ANXA11: variants seen among roughly 807,000 people sequenced by gnomAD.
ANXA11 encodes annexin A11, also known as 56 kDa autoantigen.
Under a neutral mutation model 64.7 loss-of-function variants are expected in ANXA11, and 57 were observed. The observed-to-expected ratio is 0.88, with a 90% CI of 0.71 to 1.10. The LOEUF (loss-of-function observed/expected upper bound fraction) is 1.10, where lower values mean the gene tolerates loss of function less well. Among genes scored for constraint, ANXA11 ranks in the 50% least tolerant of loss-of-function variants. The probability of loss-of-function intolerance (pLI) is 0.00; values close to 1 mark genes in which losing one functional copy is unlikely to be tolerated. For missense variants in ANXA11, 675 were observed against 670.7 expected, an observed-to-expected ratio of 1.01 and a Z score of -0.07; for synonymous variants, 260 against 265.2, an observed-to-expected ratio of 0.98 and a Z score of 0.19.
At chr10:80,157,072 C>G (rs1425285541) in intron 15 of ANXA11, 1 of 982,300 alleles carries the variant, frequency 1.0e-6, no homozygotes, top group Non-Finnish European at 1.2e-6. Context: ...CACTGCCTCA[C>G]TCAATACTCA....
intron 12 of ANXA11, among the ~76,000 whole-genome samples, chr10:80,159,592 A>G (rs1240906989): frequency 6.6e-6 from 1 of 152,164 alleles, no homozygotes; most frequent in East Asian, 1.9e-4. Context: ...GAGCAGACTA[A>G]CAGAGGACTC....
chr10:80,194,912 T>C (rs954415185), intron 1 of ANXA11, among the ~76,000 whole-genome samples: 7 of 152,348 alleles, frequency 4.6e-5, no homozygotes, highest in Admixed American at 4.6e-4. Flanking sequence ...GCTGCCGGGC[T>C]GTCCTTGCAG....
intron 1 of ANXA11, among the ~76,000 whole-genome samples, chr10:80,184,344 A>G (rs1368682982): frequency 6.6e-6 from 1 of 152,204 alleles, no homozygotes; most frequent in East Asian, 1.9e-4. Context: ...CCAACTTATG[A>G]TGGTTCGACT....
At chr10:80,195,035 C>A (rs531388339) in intron 1 of ANXA11, among the ~76,000 whole-genome samples, 55 of 152,286 alleles carry the variant, frequency 3.6e-4, no homozygotes, top group African/African-American at 1.3e-3. Flanking sequence ...TCTCTCACCA[C>A]AGGCTGAGGA....
At chr10:80,182,221 G>C (rs1338669726) in intron 1 of ANXA11, among the ~76,000 whole-genome samples, 2 of 149,568 alleles carry the variant, frequency 1.3e-5, no homozygotes, top group Non-Finnish European at 3.0e-5. Context: ...GTGCAAGTGT[G>C]GGGGCAGGGG....
chr10:80,156,022 TG>T (rs1216338243), intron 15 of ANXA11, 110 bp from the exon 16 acceptor site: 2 of 1,184,196 alleles, frequency 1.7e-6, no homozygotes, highest in Non-Finnish European at 2.5e-6. Flanking sequence ...AGCCCCACCC[TG>T]GGGAATTTTC....
Position 80,169,248 on chromosome 10 carries a change from G to A in ANXA11, c.282C>T (p.Pro94=), listed in dbSNP as rs775051106. 1.2e-6 allele frequency: 2 copies of A among 1,611,784 alleles called. No individual in the cohort carries two copies. The highest frequency in any genetic ancestry group is 8.5e-7 in the Non-Finnish European group (1 of 1,179,472). Residue 94 remains proline (P), a synonymous_variant, in exon 5 of 16, where the codon CCC becomes CCT. Coordinates refer to ENST00000422982, the MANE Select transcript of ANXA11 (RefSeq NM_145868.2). ...AGGGAGGAACAGGCTGCTGGGCAGA[G>A]GGGGGCTGCCCAAAGCCGCCAGGGG... The part of the protein sequence containing the change: ...PVPPGGFGQP[P]SAQQPVPPYG...
intron 1 of ANXA11, among the ~76,000 whole-genome samples, chr10:80,182,732 A>T (rs1474880566): frequency 6.6e-6 from 1 of 152,158 alleles, no homozygotes; most frequent in Non-Finnish European, 1.5e-5. Context: ...TTTTTTTAAA[A>T]GAGGAAAGAA....
chr10:80,157,079 C>T, intron 15 of ANXA11: 1 of 980,398 alleles, frequency 1.0e-6, no homozygotes, highest in Non-Finnish European at 1.2e-6. Context: ...TCACTCAATA[C>T]TCACAACATT....
At chr10:80,162,662 A>T (rs998853837) in intron 11 of ANXA11, among the ~76,000 whole-genome samples, 3 of 152,246 alleles carry the variant, frequency 2.0e-5, no homozygotes, top group African/African-American at 7.2e-5. Flanking sequence ...GCATTCCTTG[A>T]GGTCTCATTC....
At chr10:80,157,614 C>A in intron 15 of ANXA11, 27 bp downstream of exon 15, 3 of 1,602,264 alleles carry the variant, frequency 1.9e-6, no homozygotes, top group Non-Finnish European at 2.6e-6. Flanking sequence ...CAAAAGGGAG[C>A]CCAGTTGGCC....
At chr10:80,201,074 A>G (rs569177009) in intron 1 of ANXA11, among the ~76,000 whole-genome samples, 1 of 152,140 alleles carries the variant, frequency 6.6e-6, no homozygotes, top group South Asian at 2.1e-4. Context: ...TCGCCTTCAA[A>G]GCCAACATTT....
chr10:80,173,392 A>G (rs541140216), intron 2 of ANXA11, among the ~76,000 whole-genome samples: 113 of 152,328 alleles, frequency 7.4e-4, no homozygotes, highest in African/African-American at 2.6e-3. Context: ...AAGGTATGGA[A>G]TCATCGTTCC....
At chr10:80,202,372 A>G (rs1840470300) in intron 1 of ANXA11, among the ~76,000 whole-genome samples, 1 of 152,132 alleles carries the variant, frequency 6.6e-6, no homozygotes, top group Admixed American at 6.5e-5. Flanking sequence ...GATCCTCCCA[A>G]ATAGCAAACA....
chr10:80,151,881 G>C lies in ANXA11; in HGVS notation c.*3972C>G, dbSNP rs1462922030. The C allele has an allele frequency of 6.6e-6, 1 of 152,198 alleles. No homozygotes were observed. Among genetic ancestry groups the C allele is most frequent in the Non-Finnish European group, 1.5e-5 (1 of 68,032 alleles). The allele number at this position is 152,198 out of a possible 1,614,324, so 9.4% of individuals were successfully genotyped here. A position where few individuals can be genotyped will look rare whatever the true frequency, so the allele number is the denominator to read the frequency against. Reference sequence around the variant, plus strand: ...CCCCACACCTGCTCAAAATGCATGAGGGTCTGACCGCAGGAACTGCTCTTT... The same window carrying C: ...CCCCACACCTGCTCAAAATGCATGACGGTCTGACCGCAGGAACTGCTCTTT... On this transcript the variant is annotated 3_prime_UTR_variant, in exon 16 of 16. Coordinates refer to ENST00000422982, the MANE Select transcript of ANXA11 (RefSeq NM_145868.2).
intron 5 of ANXA11, among the ~76,000 whole-genome samples, 155 bp from the exon 6 acceptor site, chr10:80,167,468 C>T (rs991655208): frequency 2.0e-5 from 3 of 152,202 alleles, no homozygotes; most frequent in African/African-American, 7.2e-5. Context: ...CTTTACGCCG[C>T]GTCTACCTAA....
intron 3 of ANXA11, 110 bp downstream of exon 3, chr10:80,172,697 C>T (rs61860035): frequency 2.0e-5 from 22 of 1,111,938 alleles, no homozygotes; most frequent in East Asian, 4.8e-5. Context: ...CCTGCTGGGC[C>T]GTGCTGTGAG....
chr10:80,177,790 C>G (rs942638873), intron 1 of ANXA11, among the ~76,000 whole-genome samples: 1 of 152,170 alleles, frequency 6.6e-6, no homozygotes, highest in African/African-American at 2.4e-5. Context: ...GCCTGTTTAT[C>G]TGCCTAATTA....
intron 13 of ANXA11, among the ~76,000 whole-genome samples, chr10:80,158,304 G>A (rs1443016020): frequency 2.0e-5 from 3 of 152,158 alleles, no homozygotes; most frequent in Non-Finnish European, 4.4e-5. Context: ...TCTTAGTGGG[G>A]CTAGGAGCTA....
Sources: gnomAD v4.1 joint callset for allele counts (sites outside exome capture counted in the v4.1 genomes callset) on GRCh38, gnomAD v4.1.1 for gene constraint, MANE v1.5 for transcripts, NCBI Gene and HGNC (gene_info 2026-07-23, HGNC 2026-07-21) for gene names.